RORA: variants seen among roughly 807,000 people sequenced by gnomAD.
RORA encodes nuclear receptor ROR-alpha.
A neutral mutation model predicts 69.5 loss-of-function variants in RORA; 7 were observed. That is an observed-to-expected ratio of 0.10 (90% CI 0.06 to 0.19). The LOEUF (loss-of-function observed/expected upper bound fraction) is 0.19, where lower values mean the gene tolerates loss of function less well. Ranked by LOEUF, RORA falls within the 10% of genes least tolerant of loss-of-function variation. RORA has a pLI of 1.00. For missense variants in RORA, 457 were observed against 663.0 expected, an observed-to-expected ratio of 0.69 and a Z score of 3.41; for synonymous variants, 261 against 240.8, an observed-to-expected ratio of 1.08 and a Z score of -0.78.
chr15:60,738,545 T>C (rs2071532577), intron 1 of RORA, among the ~76,000 whole-genome samples: 1 of 152,210 alleles, frequency 6.6e-6, no homozygotes, highest in African/African-American at 2.4e-5. Context: ...AAGTAAAAAC[T>C]ACATTTTATG....
At chr15:61,209,660 T>C (rs909276987) in intron 1 of RORA, among the ~76,000 whole-genome samples, 3 of 152,328 alleles carry the variant, frequency 2.0e-5, no homozygotes, top group African/African-American at 7.2e-5. Context: ...GATGGTGTTT[T>C]GTTATAGCAG....
intron 1 of RORA, among the ~76,000 whole-genome samples, chr15:61,014,753 A>C (rs1168884841): frequency 6.6e-6 from 1 of 152,194 alleles, no homozygotes; most frequent in African/African-American, 2.4e-5. Flanking sequence ...TCAATTTTTC[A>C]CTTCACACTG....
chr15:61,076,351 C>G (rs1171672270), intron 1 of RORA, among the ~76,000 whole-genome samples: 1 of 150,866 alleles, frequency 6.6e-6, no homozygotes, highest in Non-Finnish European at 1.5e-5. Flanking sequence ...TTGCTCCACA[C>G]AGAGCAGAGA....
chr15:60,739,440 T>C (rs1395000944), intron 1 of RORA, among the ~76,000 whole-genome samples: 1 of 152,050 alleles, frequency 6.6e-6, no homozygotes, highest in African/African-American at 2.4e-5. Flanking sequence ...GGCGTGGTGG[T>C]GTACACCTGT....
chr15:60,840,452 C>G (rs1473376458), intron 1 of RORA, among the ~76,000 whole-genome samples: 1 of 152,236 alleles, frequency 6.6e-6, no homozygotes, highest in Admixed American at 6.5e-5. Flanking sequence ...TGCCCTTAAC[C>G]AGAAGTCTCC....
intron 1 of RORA, among the ~76,000 whole-genome samples, chr15:60,961,196 C>T (rs112682214): frequency 0.027 from 4,055 of 152,264 alleles, 166 homozygotes; most frequent in African/African-American, 0.093. Flanking sequence ...TTGTGTCATG[C>T]TGATCTCTGT....
At chr15:60,833,661 C>G (rs550592738) in intron 1 of RORA, among the ~76,000 whole-genome samples, 14 of 152,292 alleles carry the variant, frequency 9.2e-5, no homozygotes, top group Admixed American at 3.9e-4. Context: ...TGATTTCATC[C>G]TTTTCTGGAA....
chr15:60,869,597 G>A lies in RORA; in HGVS notation c.167-190911C>T, dbSNP rs113078222. On this transcript the variant is annotated intron_variant, in intron 1 of 10. Coordinates refer to ENST00000335670, the MANE Select transcript of RORA (RefSeq NM_134261.3). ...GCAGGTCTGATGGCACACAATGTCCGGCATGTGGCTGGTCACATAACAGGT... is the reference window on the plus strand; with the variant it reads ...GCAGGTCTGATGGCACACAATGTCCAGCATGTGGCTGGTCACATAACAGGT... 7.8e-4 allele frequency among the ~76,000 whole-genome samples: 119 copies of A among 152,294 alleles called. 1 individual carries two copies. Among genetic ancestry groups the A allele is most frequent in the African/African-American group, 2.6e-3 (109 of 41,562 alleles).
At chr15:60,811,932 A>G (rs1437627867) in intron 1 of RORA, among the ~76,000 whole-genome samples, 1 of 152,178 alleles carries the variant, frequency 6.6e-6, no homozygotes, top group East Asian at 1.9e-4. Flanking sequence ...AATCATTTTC[A>G]TATTCATTAT....
chr15:60,909,066 C>T (rs1455987699), intron 1 of RORA, among the ~76,000 whole-genome samples: 1 of 152,172 alleles, frequency 6.6e-6, no homozygotes, highest in Non-Finnish European at 1.5e-5. Flanking sequence ...CAAGTTGAAG[C>T]ATGTCCTGGA....
intron 1 of RORA, among the ~76,000 whole-genome samples, chr15:60,997,143 G>A (rs1296586503): frequency 6.6e-6 from 1 of 152,062 alleles, no homozygotes; most frequent in South Asian, 2.1e-4. Context: ...ACGTTTTGAT[G>A]TGGGAAGTAC....
intron 2 of RORA, among the ~76,000 whole-genome samples, chr15:60,602,195 G>A (rs2068830126): frequency 6.6e-6 from 1 of 152,090 alleles, no homozygotes; most frequent in African/African-American, 2.4e-5. Flanking sequence ...AAACAGGGAA[G>A]AATAAAAAAG....
chr15:60,516,563 G>A (rs150136488), intron 3 of RORA, among the ~76,000 whole-genome samples: 70 of 151,992 alleles, frequency 4.6e-4, no homozygotes, highest in Non-Finnish European at 1.5e-5. Context: ...CAATGAGGGC[G>A]ACACTAGTGG....
intron 2 of RORA, among the ~76,000 whole-genome samples, chr15:60,641,245 C>A (rs558916420): frequency 6.6e-6 from 1 of 152,186 alleles, no homozygotes; most frequent in South Asian, 2.1e-4. Flanking sequence ...AGCCACCACA[C>A]CTGGTGTGGG....
At chr15:60,920,734 T>G (rs561192981) in intron 1 of RORA, among the ~76,000 whole-genome samples, 1 of 152,240 alleles carries the variant, frequency 6.6e-6, no homozygotes, top group Admixed American at 6.5e-5. Flanking sequence ...GTACACCAAA[T>G]GTGAAGATGA....
At chr15:60,644,548 T>C (rs896095236) in intron 2 of RORA, among the ~76,000 whole-genome samples, 1 of 152,244 alleles carries the variant, frequency 6.6e-6, no homozygotes, top group Non-Finnish European at 1.5e-5. Context: ...AACGGCAAAG[T>C]ATTAACGTGT....
chr15:60,663,868 T>A (rs866483083), intron 2 of RORA, among the ~76,000 whole-genome samples: 5 of 152,220 alleles, frequency 3.3e-5, no homozygotes, highest in African/African-American at 1.2e-4. Flanking sequence ...TCTTCTACAT[T>A]TCAGTGGCAT....
chr15:60,703,721 A>G (rs1256644160), intron 1 of RORA, among the ~76,000 whole-genome samples: 14 of 152,220 alleles, frequency 9.2e-5, no homozygotes, highest in Admixed American at 9.2e-4. Flanking sequence ...TTCTGATGAT[A>G]TGAATGGAGA....
At chr15:61,180,143 C>CA (rs71456351) in intron 1 of RORA, among the ~76,000 whole-genome samples, 8,955 of 35,736 alleles carry the variant, frequency 0.25, 1,076 homozygotes, top group Non-Finnish European at 0.3. Context: ...GACTCCATCT[C>CA]AAAAAAAAAA....
Sources: gnomAD v4.1 joint callset for allele counts (sites outside exome capture counted in the v4.1 genomes callset) on GRCh38, gnomAD v4.1.1 for gene constraint, MANE v1.5 for transcripts, NCBI Gene and HGNC (gene_info 2026-07-23, HGNC 2026-07-21) for gene names.